Variants in ELMO1 observed in about 807,000 individuals in gnomAD.
ELMO1 encodes engulfment and cell motility 1.
ELMO1 carries 26 observed loss-of-function variants against 98.9 expected under a neutral mutation model. The ratio of observed to expected loss-of-function variants is 0.26; its 90% CI spans 0.19 to 0.36. The LOEUF is 0.36. ELMO1 is among the 10% of genes least tolerant of loss of function. The pLI, the probability that ELMO1 is intolerant of heterozygous loss-of-function variation, is 1.00. For missense variants in ELMO1, 627 were observed against 935.2 expected, an observed-to-expected ratio of 0.67 and a Z score of 4.30; for synonymous variants, 346 against 346.0, an observed-to-expected ratio of 1.00 and a Z score of 0.00.
intron 14 of ELMO1, among the ~76,000 whole-genome samples, chr7:37,126,973 C>T (rs141494233): frequency 6.6e-6 from 1 of 152,114 alleles, no homozygotes; most frequent in Admixed American, 6.6e-5. Flanking sequence ...CATTTGCATG[C>T]ATTCGGATTT....
At chr7:37,381,160 A>G (rs989435615) in intron 1 of ELMO1, among the ~76,000 whole-genome samples, 1 of 152,366 alleles carries the variant, frequency 6.6e-6, no homozygotes, top group African/African-American at 2.4e-5. Context: ...GATACTAGCA[A>G]GTAACTGGAT....
intron 17 of ELMO1, 25 bp downstream of exon 17, chr7:36,894,828 AT>A (rs749843341): frequency 3.1e-6 from 5 of 1,613,882 alleles, no homozygotes; most frequent in Non-Finnish European, 4.2e-6. Context: ...CTTTTGGGAG[AT>A]AGAAGTCAAT....
chr7:37,104,907 C>A (rs1451633005), intron 14 of ELMO1, among the ~76,000 whole-genome samples: 1 of 150,068 alleles, frequency 6.7e-6, no homozygotes, highest in African/African-American at 2.4e-5. Context: ...ACAATCTGGA[C>A]AAATGAGAGG....
At position 37,223,046 on chromosome 7, in the gene ELMO1, A is replaced by T. The variant is rs544372192; in HGVS notation, c.702-353T>A. On this transcript the variant is annotated intron_variant, in intron 9 of 21. Transcript: ENST00000310758. The stretch of plus-strand genomic sequence containing the variant: ...TCTGTATGTATGTATGTGTATGTGT[A>T]TGTATGTGTAATTTTCTGTCTGATA... 2.0e-5 allele frequency among the ~76,000 whole-genome samples: 3 copies of T among 152,324 alleles called. No homozygotes were observed. The South Asian group carries it at 6.2e-4, about 32-fold the overall frequency.
intron 4 of ELMO1, among the ~76,000 whole-genome samples, chr7:37,276,605 C>T (rs920161249): frequency 2.6e-5 from 4 of 152,070 alleles, no homozygotes; most frequent in Non-Finnish European, 4.4e-5. Context: ...AGCGAGACTC[C>T]GTCTCAAAAA....
intron 16 of ELMO1, among the ~76,000 whole-genome samples, chr7:36,957,762 C>T (rs942596751): frequency 6.6e-6 from 1 of 152,136 alleles, no homozygotes; most frequent in African/African-American, 2.4e-5. Flanking sequence ...GGAAGATGCC[C>T]CAAGTGTGGA....
At position 37,320,186 on chromosome 7, in the gene ELMO1, A is replaced by G. The variant is rs535880096; in HGVS notation, c.79-4226T>C. The stretch of plus-strand genomic sequence containing the variant: ...CAGCTACTCGGGAGCCTGAGGCAGG[A>G]GAATTACTTGAATCCAGGAGGTGGA... On this transcript the variant is annotated intron_variant, in intron 2 of 21. Coordinates refer to ENST00000310758, the MANE Select transcript of ELMO1 (RefSeq NM_014800.11). Among the ~76,000 whole-genome samples, 3 of 152,210 alleles carry G rather than the reference A, an allele frequency of 2.0e-5. No individual in the cohort carries two copies. In the South Asian group the frequency reaches 6.2e-4, roughly 32 times the overall value.
At chr7:36,965,763 T>G (rs2129126400) in intron 16 of ELMO1, among the ~76,000 whole-genome samples, 1 of 152,238 alleles carries the variant, frequency 6.6e-6, no homozygotes, top group Admixed American at 6.5e-5. Flanking sequence ...AAAAACCCAT[T>G]CCAAACACAT....
rs200331988 is a variant in ELMO1, at chr7:36,856,014, T to C, written c.1984-263A>G. On this transcript the variant is annotated intron_variant, in intron 21 of 21. Coordinates refer to ENST00000310758, the MANE Select transcript of ELMO1 (RefSeq NM_014800.11). ...GGGATTTGAACCCAGGCAATCTGACTCCAGTGCCTGTGCTCTTCTTTGCAA... is the reference window on the plus strand; with the variant it reads ...GGGATTTGAACCCAGGCAATCTGACCCCAGTGCCTGTGCTCTTCTTTGCAA... 3.7e-4 allele frequency among the ~76,000 whole-genome samples: 57 copies of C among 152,366 alleles called. No individual in the cohort carries two copies. The East Asian group carries it at 8.9e-3, about 24-fold the overall frequency.
At chr7:37,068,371 A>G (rs917186743) in intron 15 of ELMO1, among the ~76,000 whole-genome samples, 3 of 152,206 alleles carry the variant, frequency 2.0e-5, no homozygotes, top group Admixed American at 2.0e-4. Flanking sequence ...ATTCTTAGTA[A>G]TAGAATATTT....
At chr7:37,349,464 C>CT (rs1057510518) in intron 1 of ELMO1, among the ~76,000 whole-genome samples, 9 of 151,316 alleles carry the variant, frequency 5.9e-5, no homozygotes, top group African/African-American at 2.2e-4. Flanking sequence ...TTTTCTTTTT[C>CT]TTTTTTTGAG....
At chr7:36,928,545 C>T (rs1018860953) in intron 16 of ELMO1, among the ~76,000 whole-genome samples, 2 of 152,094 alleles carry the variant, frequency 1.3e-5, no homozygotes, top group Admixed American at 6.6e-5. Context: ...GAAGCACTGA[C>T]AAGAAATGCA....
At chr7:37,002,404 T>G (rs1177320096) in intron 16 of ELMO1, among the ~76,000 whole-genome samples, 1 of 152,222 alleles carries the variant, frequency 6.6e-6, no homozygotes, top group Admixed American at 6.5e-5. Flanking sequence ...AGTGCAGAAC[T>G]GTGACCAGCC....
chr7:37,006,647 C>A (rs1019061723), intron 16 of ELMO1, among the ~76,000 whole-genome samples: 2 of 152,076 alleles, frequency 1.3e-5, no homozygotes, highest in Non-Finnish European at 2.9e-5. Flanking sequence ...TATACATACA[C>A]AAAGACATAT....
intron 2 of ELMO1, among the ~76,000 whole-genome samples, chr7:37,330,042 C>T (rs76298023): frequency 0.016 from 2,427 of 152,270 alleles, 73 homozygotes; most frequent in African/African-American, 0.055. Context: ...TTTTCTACTC[C>T]CTTGGACACG....
At chr7:37,052,966 G>T (rs1296128015) in intron 15 of ELMO1, among the ~76,000 whole-genome samples, 4 of 152,204 alleles carry the variant, frequency 2.6e-5, no homozygotes, top group African/African-American at 9.7e-5. Context: ...TTTACAGAAT[G>T]TTCAGCAGAT....
chr7:37,049,490 C>A (rs1795983417), intron 15 of ELMO1, among the ~76,000 whole-genome samples: 1 of 152,134 alleles, frequency 6.6e-6, no homozygotes, highest in South Asian at 2.1e-4. Flanking sequence ...GTGAAAGGTG[C>A]AGAGCTGCTC....
chr7:36,942,938 C>T lies in ELMO1; in HGVS notation c.1438-47921G>A, dbSNP rs758620059. Among the ~76,000 whole-genome samples, 61 of 152,202 alleles carry T rather than the reference C, an allele frequency of 4.0e-4. 2 individuals are homozygous for T. Among genetic ancestry groups the T allele is most frequent in the Non-Finnish European group, 1.6e-4 (11 of 68,036 alleles). The stretch of plus-strand genomic sequence containing the variant: ...AAGGAAAAAGGCAGTCCTGACAGCA[C>T]GCCACTGACAGCTTCCAGAATTCTC... On this transcript the variant is annotated intron_variant, in intron 16 of 21. Transcript: ENST00000310758.
At chr7:36,925,995 T>C (rs1318221539) in intron 16 of ELMO1, among the ~76,000 whole-genome samples, 2 of 152,092 alleles carry the variant, frequency 1.3e-5, no homozygotes, top group East Asian at 1.9e-4. Context: ...GAAGAATCAA[T>C]CTCGATTTTA....
Sources: gnomAD v4.1 joint callset for allele counts (sites outside exome capture counted in the v4.1 genomes callset) on GRCh38, gnomAD v4.1.1 for gene constraint, MANE v1.5 for transcripts, NCBI Gene and HGNC (gene_info 2026-07-23, HGNC 2026-07-21) for gene names.